The following SVEP1 variants were observed in gnomAD, a reference collection of about 807,000 sequenced individuals.
SVEP1 encodes sushi, von Willebrand factor type A, EGF and pentraxin domain containing 1.
A neutral mutation model predicts 367.3 loss-of-function variants in SVEP1; 164 were observed. The ratio of observed to expected loss-of-function variants is 0.45; its 90% confidence interval spans 0.39 to 0.51. SVEP1 has a LOEUF of 0.51. Among genes scored for constraint, SVEP1 ranks in the 20% least tolerant of loss-of-function variants. The probability of loss-of-function intolerance (pLI) is 0.00; values close to 1 mark genes in which losing one functional copy is unlikely to be tolerated. For synonymous variants in SVEP1, 1,666 were observed against 1,611.6 expected, an observed-to-expected ratio of 1.03 and a Z score of -0.81; for missense variants, 4,117 against 4,425.3, an observed-to-expected ratio of 0.93 and a Z score of 1.98.
chr9:110,569,111 AAATT>A (rs1564178904), intron 1 of SVEP1, among the ~76,000 whole-genome samples: 2 of 151,820 alleles, frequency 1.3e-5, no homozygotes, highest in South Asian at 4.2e-4. Flanking sequence ...AAATAAATAA[AAATT>A]AAATTAAATT....
chr9:110,541,771 ATATATATCTATATACATAGATATC>A (rs1830148413), intron 3 of SVEP1, among the ~76,000 whole-genome samples: 1 of 147,358 alleles, frequency 6.8e-6, no homozygotes. Flanking sequence ...ATAGATATCT[ATATATATCTATATACATAGATATC>A]TATATATATC....
intron 3 of SVEP1, among the ~76,000 whole-genome samples, chr9:110,543,176 T>G (rs1830174929): frequency 6.6e-6 from 1 of 152,028 alleles, no homozygotes; most frequent in Non-Finnish European, 1.5e-5. Context: ...CAGTACTGCC[T>G]CCTACAGCTA....
chr9:110,555,188 G>A (rs1003674920), intron 1 of SVEP1, among the ~76,000 whole-genome samples: 2 of 150,952 alleles, frequency 1.3e-5, no homozygotes, highest in African/African-American at 2.4e-5. Context: ...CATTAAAAAC[G>A]TGAGAATTTT....
chr9:110,483,564 A>G, intron 10 of SVEP1, 22 bp downstream of exon 10: 1 of 1,576,854 alleles, frequency 6.3e-7, no homozygotes, highest in Non-Finnish European at 8.6e-7. Flanking sequence ...CTATGCTGAC[A>G]ACAAAGTCCT....
At chr9:110,424,443 A>C (rs1828222700) in intron 36 of SVEP1, among the ~76,000 whole-genome samples, 1 of 152,210 alleles carries the variant, frequency 6.6e-6, no homozygotes, top group African/African-American at 2.4e-5. Context: ...ATAAATTAAT[A>C]GGATATTTGT....
chr9:110,429,791 C>T lies in SVEP1; in HGVS notation c.5615+129G>A, dbSNP rs546631673. On this transcript the variant is annotated intron_variant, in intron 34 of 47. Transcript: ENST00000374469. ...AGATTTGTTCACACTATGTATCATTCGATTAATTACATATTAATTCAAAAA... is the reference window on the plus strand; with the variant it reads ...AGATTTGTTCACACTATGTATCATTTGATTAATTACATATTAATTCAAAAA... 214 of 692,972 alleles carry T rather than the reference C, an allele frequency of 3.1e-4. 1 individual carries two copies. The highest frequency in any genetic ancestry group is 7.8e-4 in the Middle Eastern group (2 of 2,550). The allele number at this position is 692,972 out of a possible 1,614,324, so 42.9% of individuals were successfully genotyped here. A position where few individuals can be genotyped will look rare whatever the true frequency, so the allele number is the denominator to read the frequency against.
In SVEP1 at chr9:110,546,210, C is replaced by T. The variant is rs748669116; in HGVS notation, c.869G>A (p.Arg290Gln). The change falls in exon 3 of 48, where the codon CGA (arginine) becomes CAA (glutamine). Residue 290 changes from arginine to glutamine, a missense_variant. Arg to Gln is a conservative substitution (Grantham distance 43). This residue lies in a region of SVEP1 where 2,174 missense variants were observed against 2,494.3 expected (regional missense o/e 0.87). Coordinates refer to ENST00000374469, the MANE Select transcript of SVEP1 (RefSeq NM_153366.4). Reference protein sequence around the residue: ...LCDEGKDCCDRMGSCKCGTHT... With the variant: ...LCDEGKDCCDQMGSCKCGTHT... ...TGTCCCACATTTGCAGCTTCCCATT[C>T]GGTCACAGCAGTCCTTGCCTTCATC... 13 of 1,579,860 alleles carry T rather than the reference C, an allele frequency of 8.2e-6. No individual in the cohort carries two copies. Among genetic ancestry groups the T allele is most frequent in the South Asian group, 2.3e-5 (2 of 85,686 alleles).
In SVEP1 at chr9:110,377,270, C is replaced by T; in HGVS notation, c.10504+1G>A. 1 of 1,613,018 alleles carries T rather than the reference C, an allele frequency of 6.2e-7. No individual in the cohort carries two copies. Among genetic ancestry groups the T allele is most frequent in the Non-Finnish European group, 8.5e-7 (1 of 1,179,212 alleles). On this transcript the variant is annotated splice_donor_variant, in intron 45 of 47. Transcript: ENST00000374469. LOFTEE classifies it high-confidence loss of function. ...AAAGTAAGATCTGAAGAGCAACTCACGTTCTTCACAGAGGCGCCCCATCCA... is the reference window on the plus strand; with the variant it reads ...AAAGTAAGATCTGAAGAGCAACTCATGTTCTTCACAGAGGCGCCCCATCCA...
Position 110,458,530 on chromosome 9 carries a change from T to C in SVEP1, c.3517A>G (p.Ser1173Gly), listed in dbSNP as rs546510213. Reference sequence around the variant, plus strand: ...CCAAGAGAGGCAGGGGGCACCACACTTTCCTCTGCCGCTGAGAAAGTTGAA... The same window carrying C: ...CCAAGAGAGGCAGGGGGCACCACACCTTCCTCTGCCGCTGAGAAAGTTGAA... ...FSSTFSAAEE[S>G]VVPPASLGHI... is the part of the protein sequence containing the mutation. The change falls in exon 20 of 48, where the codon AGT becomes GGT. Residue 1173 changes from serine (S) to glycine (G), a missense_variant. Ser to Gly is a moderately conservative substitution (Grantham distance 56, BLOSUM62 0). Transcript: ENST00000374469. The C allele has an allele frequency of 1.2e-5, 19 of 1,612,828 alleles. No individual in the cohort carries two copies. In the African/African-American group the frequency reaches 1.5e-4, roughly 12 times the overall value.
intron 22 of SVEP1, among the ~76,000 whole-genome samples, chr9:110,453,910 T>G (rs540574756): frequency 6.6e-6 from 1 of 151,424 alleles, no homozygotes; most frequent in East Asian, 1.9e-4. Context: ...CCATTCTGAC[T>G]GGTGTGAGAT....
chr9:110,405,354 C>T (rs1426398863), intron 38 of SVEP1, among the ~76,000 whole-genome samples: 5 of 151,498 alleles, frequency 3.3e-5, no homozygotes. Flanking sequence ...AGTAGGAATA[C>T]AGCATAATTC....
At chr9:110,575,209 T>C (rs1426208725) in intron 1 of SVEP1, among the ~76,000 whole-genome samples, 2 of 152,234 alleles carry the variant, frequency 1.3e-5, no homozygotes, top group East Asian at 3.9e-4. Flanking sequence ...GGGAACCTTG[T>C]AGGCAATTCC....
intron 6 of SVEP1, among the ~76,000 whole-genome samples, chr9:110,500,210 A>G (rs1382697479): frequency 6.6e-6 from 1 of 152,044 alleles, no homozygotes; most frequent in African/African-American, 2.4e-5. Flanking sequence ...TTGTCTCTTT[A>G]TTTCTGCACG....
intron 40 of SVEP1, among the ~76,000 whole-genome samples, chr9:110,391,603 AT>A (rs1827656587): frequency 6.6e-6 from 1 of 152,078 alleles, no homozygotes; most frequent in Non-Finnish European, 1.5e-5. Context: ...AGAAGTATTA[AT>A]AGATAATTAA....
At chr9:110,445,023 C>G (rs1266560727) in intron 26 of SVEP1, among the ~76,000 whole-genome samples, 2 of 152,194 alleles carry the variant, frequency 1.3e-5, no homozygotes, top group African/African-American at 4.8e-5. Context: ...ACAACCTGCT[C>G]ATAAGTAGGC....
intron 40 of SVEP1, among the ~76,000 whole-genome samples, chr9:110,399,498 A>G (rs917361504): frequency 6.6e-6 from 1 of 152,098 alleles, no homozygotes; most frequent in African/African-American, 2.4e-5. Flanking sequence ...TAATAATAAA[A>G]TTAAAAAGAA....
intron 2 of SVEP1, among the ~76,000 whole-genome samples, chr9:110,548,052 G>GT (rs1248930129): frequency 2.0e-5 from 3 of 152,136 alleles, no homozygotes; most frequent in East Asian, 3.9e-4. Flanking sequence ...GCTGAAATTT[G>GT]TTGATAGCAC....
Position 110,467,729 on chromosome 9 carries a change from G to A in SVEP1, c.3160+1211C>T, listed in dbSNP as rs552707009. On this transcript the variant is annotated intron_variant, in intron 17 of 47. Coordinates refer to ENST00000374469, the MANE Select transcript of SVEP1 (RefSeq NM_153366.4). The stretch of plus-strand genomic sequence containing the variant: ...TAGCTCACTGCAGCCTCCACCTCCC[G>A]GGCTCAAGCAATCCTCCCACCTCAT... 1.7e-4 allele frequency among the ~76,000 whole-genome samples: 25 copies of A among 151,062 alleles called. 1 individual carries two copies. Among genetic ancestry groups the A allele is most frequent in the Non-Finnish European group, 3.1e-4 (21 of 67,842 alleles).
chr9:110,506,830 CAT>C (rs1027626744), intron 5 of SVEP1, among the ~76,000 whole-genome samples: 1 of 151,048 alleles, frequency 6.6e-6, no homozygotes, highest in Non-Finnish European at 1.5e-5. Flanking sequence ...GGAGGGGAAA[CAT>C]AGGTGGAGGA....
Sources: allele counts gnomAD v4.1 joint callset (sites outside exome capture counted in the v4.1 genomes callset), GRCh38; gene constraint gnomAD v4.1.1; regional missense constraint gnomAD v4.1.1; transcripts MANE v1.5; gene names NCBI Gene and HGNC (gene_info 2026-07-23, HGNC 2026-07-21).